CA11: variants seen among roughly 807,000 people sequenced by gnomAD.
CA11 encodes the protein carbonic anhydrase-related protein 11.
A neutral mutation model predicts 39.3 loss-of-function variants in CA11; 20 were observed. The observed-to-expected ratio is 0.51, with a 90% CI of 0.36 to 0.74. The LOEUF (loss-of-function observed/expected upper bound fraction) is 0.74, where lower values mean the gene tolerates loss of function less well. Ranked by LOEUF, CA11 falls within the 30% of genes least tolerant of loss-of-function variation. The probability of loss-of-function intolerance (pLI) is 0.00; values close to 1 mark genes in which losing one functional copy is unlikely to be tolerated. For missense variants in CA11, 336 were observed against 424.6 expected (o/e 0.79, Z 1.83); for synonymous variants, 166 against 172.5 (o/e 0.96, Z 0.29).
At chr19:48,639,080 G>A in intron 7 of CA11, 27 bp from the exon 8 acceptor site, 1 of 1,613,064 alleles carries the variant, frequency 6.2e-7, no homozygotes, top group South Asian at 1.1e-5. Context: ...GTGGGAAACT[G>A]GGAGTGAATA....
In CA11 at chr19:48,639,343, T is replaced by C. The variant is rs1465234846; in HGVS notation, c.757A>G (p.Ile253Val). Residue 253 changes from isoleucine to valine, a missense_variant, in exon 7 of 9, where the codon ATC (isoleucine) becomes GTC (valine). Physicochemically the swap from Ile to Val is conservative, Grantham distance 29. Transcript: ENST00000084798. ...ATATTGAGGGCCCGGTCAATGAGGA[T>C]CCAGGTGACAGTCTCGGAGCAGGGC... is the stretch of plus-strand genomic sequence containing the variant. ...TPPCSETVTW[I>V]LIDRALNITS... 1.9e-6 allele frequency: 3 copies of C among 1,613,208 alleles called. No homozygotes were observed. Among genetic ancestry groups the C allele is most frequent in the South Asian group, 1.1e-5 (1 of 91,054 alleles).
rs778055342 is a variant in CA11, at chr19:48,638,127, C to G, written c.979G>C (p.Gly327Arg). The G allele has an allele frequency of 2.1e-6, 3 of 1,407,550 alleles. No individual in the cohort carries two copies. In the East Asian group the frequency reaches 8.6e-5, roughly 40 times the overall value. The allele number at this position is 1,407,550 out of a possible 1,614,324, so 87.2% of individuals were successfully genotyped here. The stretch of plus-strand genomic sequence containing the variant: ...ATCCTCGAAGGGGAGTCTCAGCGAC[C>G]ATGGGGGACACCATCCACTGTAAGA... Reference protein sequence around the residue: ...YRLHVDGVPHGR With the variant: ...YRLHVDGVPHRR The change falls in exon 9 of 9, where the codon GGT (glycine) becomes CGT (arginine). Residue 327 changes from glycine (G) to arginine (R), a missense_variant. Transcript: ENST00000084798.
chr19:48,639,403 C>T lies in CA11; in HGVS notation c.697G>A (p.Gly233Ser), dbSNP rs746636245. Residue 233 changes from glycine to serine, a missense_variant, in exon 7 of 9, where the codon GGC becomes AGC. Gly to Ser is a moderately conservative substitution (Grantham distance 56). Transcript: ENST00000084798. Reference protein sequence around the residue: ...SLELLFPESFGFITYQGSLST... With the variant: ...SLELLFPESFSFITYQGSLST... ...AGAGAGCCCTGATAGGTGATGAAGC[C>T]GAAGGATTCAGGGAACAGGAGCTCC... 1.2e-5 allele frequency: 20 copies of T among 1,613,364 alleles called. No homozygotes were observed. The highest frequency in any genetic ancestry group is 1.4e-5 in the Non-Finnish European group (17 of 1,179,870).
intron 2 of CA11, among the ~76,000 whole-genome samples, chr19:48,645,030 T>C (rs1435685737): frequency 1.3e-5 from 2 of 152,040 alleles, no homozygotes; most frequent in Non-Finnish European, 2.9e-5. Context: ...ATCGCTCTTA[T>C]CCCACAGCTG....
At chr19:48,640,670 G>A (rs1029544116) in intron 3 of CA11, among the ~76,000 whole-genome samples, 1 of 146,110 alleles carries the variant, frequency 6.8e-6, no homozygotes, top group African/African-American at 2.5e-5. Flanking sequence ...CACCGCACCC[G>A]GTCTTTTTTT....
At chr19:48,638,742 G>A (rs567010251) in intron 8 of CA11, 146 bp downstream of exon 8, 89 of 899,166 alleles carry the variant, frequency 9.9e-5, no homozygotes, top group Non-Finnish European at 1.4e-4. Context: ...AGACATGTAG[G>A]GAAAGAGAGA....
Position 48,643,541 on chromosome 19 carries a change from G to A in CA11, c.285+886C>T, listed in dbSNP as rs1304966504. Among the ~76,000 whole-genome samples, 1 of 151,522 alleles carries A rather than the reference G, an allele frequency of 6.6e-6. No individual in the cohort carries two copies. ...GCTATTTTTGAGGCTGAGGTAGGAA[G>A]ATCACTTGGGCCCAGGAATTTGAGG... On this transcript the variant is annotated intron_variant, in intron 3 of 8. Transcript: ENST00000084798. The surrounding 1 kb of genome is among the most constrained non-coding windows in gnomAD (Gnocchi z 4.3).
Position 48,644,526 on chromosome 19 carries a change from A to G in CA11, c.186T>C (p.Cys62=). 1.2e-6 allele frequency: 2 copies of G among 1,610,864 alleles called. No homozygotes were observed. Among genetic ancestry groups the G allele is most frequent in the Non-Finnish European group, 1.7e-6 (2 of 1,178,078 alleles). Residue 62 remains cysteine (C), a synonymous_variant, in exon 3 of 9, where the codon TGT becomes TGC. Coordinates refer to ENST00000084798, the MANE Select transcript of CA11 (RefSeq NM_001217.5). ...CGGGGCTCTGCCGCTTCCCCACAGC[A>G]CACAGACTCCACGCTGCATTCACCA... The part of the protein sequence containing the change: ...WGLVNAAWSL[C]AVGKRQSPVD...
chr19:48,643,720 G>T lies in CA11; in HGVS notation c.285+707C>A, dbSNP rs1483425962. 6.6e-6 allele frequency among the ~76,000 whole-genome samples: 1 copy of T among 152,026 alleles called. No individual in the cohort carries two copies. On this transcript the variant is annotated intron_variant, in intron 3 of 8. Transcript: ENST00000084798. This position sits in a 1 kb window ranked among gnomAD's most constrained non-coding sequence, Gnocchi z 4.3. ...TACGCTGCTTGGTTTGAATGCCAGT[G>T]CTGGCTCTCTGTGTGATCCTAGGCA...
At chr19:48,645,134 C>G (rs1454785412) in intron 2 of CA11, among the ~76,000 whole-genome samples, 1 of 152,168 alleles carries the variant, frequency 6.6e-6, no homozygotes, top group Admixed American at 6.5e-5. Flanking sequence ...TAGCAGGAGC[C>G]AGGACCTTCC....
Position 48,639,372 on chromosome 19 carries a change from G to T in CA11, c.728C>A (p.Thr243Asn). Residue 243 changes from threonine to asparagine, a missense_variant, in exon 7 of 9, where the codon ACC (threonine) becomes AAC (asparagine). Coordinates refer to ENST00000084798, the MANE Select transcript of CA11 (RefSeq NM_001217.5). ...GFITYQGSLSTPPCSETVTWI... is the reference protein window; with the variant it reads ...GFITYQGSLSNPPCSETVTWI... ...GGTGACAGTCTCGGAGCAGGGCGGG[G>T]TGCTGAGAGAGCCCTGATAGGTGAT... The T allele has an allele frequency of 6.2e-7, 1 of 1,613,822 alleles. No individual in the cohort carries two copies. The highest frequency in any genetic ancestry group is 8.5e-7 in the Non-Finnish European group (1 of 1,179,978).
Position 48,640,144 on chromosome 19 carries a change from T to A in CA11, c.422A>T (p.Asp141Val). The stretch of plus-strand genomic sequence containing the variant: ...GATCTGATGTTCCGAGCCGGCTCCG[T>A]CGCGAGCTCCAAACAGCAGCCGCAG... ...SELRLLFGARDGAGSEHQINH... is the reference protein window; with the variant it reads ...SELRLLFGARVGAGSEHQINH... The change falls in exon 4 of 9, where the codon GAC becomes GTC. Residue 141 changes from aspartate to valine, a missense_variant. Coordinates refer to ENST00000084798, the MANE Select transcript of CA11 (RefSeq NM_001217.5). The A allele has an allele frequency of 6.2e-7, 1 of 1,613,912 alleles. No homozygotes were observed. The highest frequency in any genetic ancestry group is 2.2e-5 in the East Asian group (1 of 44,858).
intron 8 of CA11, among the ~76,000 whole-genome samples, chr19:48,638,677 A>G (rs967717776): frequency 6.6e-6 from 1 of 152,132 alleles, no homozygotes; most frequent in African/African-American, 2.4e-5. Flanking sequence ...GTGAAGAGGA[A>G]AGACAAATCG....
chr19:48,644,522 C>T lies in CA11; in HGVS notation c.190G>A (p.Val64Met), dbSNP rs1421084024. The T allele has an allele frequency of 1.2e-6, 2 of 1,611,586 alleles. No homozygotes were observed. Among genetic ancestry groups the T allele is most frequent in the Non-Finnish European group, 1.7e-6 (2 of 1,178,466 alleles). Residue 64 changes from valine (V) to methionine (M), a missense_variant, in exon 3 of 9, where the codon GTG becomes ATG. Transcript: ENST00000084798. ...LVNAAWSLCA[V>M]GKRQSPVDVE... ...TCCACGGGGCTCTGCCGCTTCCCCACAGCACACAGACTCCACGCTGCATTC... is the reference window on the plus strand; with the variant it reads ...TCCACGGGGCTCTGCCGCTTCCCCATAGCACACAGACTCCACGCTGCATTC...
At chr19:48,640,072 G>C (rs1436328393) in intron 4 of CA11, 23 bp downstream of exon 4, 1 of 1,605,596 alleles carries the variant, frequency 6.2e-7, no homozygotes, top group Non-Finnish European at 8.5e-7. Flanking sequence ...GAGGGTGGCG[G>C]GTAAACAATC....
In CA11 at chr19:48,643,440, C is replaced by G. The variant is rs1385657213; in HGVS notation, c.285+987G>C. 2.6e-5 allele frequency among the ~76,000 whole-genome samples: 4 copies of G among 152,094 alleles called. No individual in the cohort carries two copies. The highest frequency in any genetic ancestry group is 5.9e-5 in the Non-Finnish European group (4 of 68,028). ...GGCCAGGCTGATCTCGAACTCCTAA[C>G]CTCGTGATCCACCCACCTCGGCCTC... On this transcript the variant is annotated intron_variant, in intron 3 of 8. Coordinates refer to ENST00000084798, the MANE Select transcript of CA11 (RefSeq NM_001217.5). The surrounding 1 kb of genome is among the most constrained non-coding windows in gnomAD (Gnocchi z 4.3).
intron 6 of CA11, 29 bp downstream of exon 6, chr19:48,639,520 C>A: frequency 6.2e-7 from 1 of 1,613,928 alleles, no homozygotes; most frequent in Non-Finnish European, 8.5e-7. Context: ...TCGTGTGTGA[C>A]CACTGCCCCC....
At chr19:48,639,518 G>C in intron 6 of CA11, 31 bp downstream of exon 6, 1 of 1,613,854 alleles carries the variant, frequency 6.2e-7, no homozygotes, top group Non-Finnish European at 8.5e-7. Context: ...CCTCGTGTGT[G>C]ACCACTGCCC....
In CA11 at chr19:48,639,082, G is replaced by A; in HGVS notation, c.796-29C>T. ...CAGTGGAAGGAGGGTGGGAAACTGGGAGTGAATAGTGAATGGTCTTGGTGA... is the reference window on the plus strand; with the variant it reads ...CAGTGGAAGGAGGGTGGGAAACTGGAAGTGAATAGTGAATGGTCTTGGTGA... On this transcript the variant is annotated intron_variant, in intron 7 of 8. Transcript: ENST00000084798. 2 of 1,612,964 alleles carry A rather than the reference G, an allele frequency of 1.2e-6. 1 individual carries two copies. The highest frequency in any genetic ancestry group is 4.5e-5 in the East Asian group (2 of 44,862).
Sources: allele counts gnomAD v4.1 joint callset (sites outside exome capture counted in the v4.1 genomes callset), GRCh38; gene constraint gnomAD v4.1.1; non-coding constraint Gnocchi (gnomAD v3.1); transcripts MANE v1.5; gene names NCBI Gene and HGNC (gene_info 2026-07-23, HGNC 2026-07-21).